TRPM3: variants seen among roughly 807,000 people sequenced by gnomAD.
The protein encoded by TRPM3 is long transient receptor potential channel 3.
A neutral mutation model predicts 181.2 loss-of-function variants in TRPM3; 77 were observed. That is an observed-to-expected ratio of 0.42 (90% CI 0.35 to 0.51). TRPM3 has a LOEUF of 0.51. Among genes scored for constraint, TRPM3 ranks in the 20% least tolerant of loss-of-function variants. The pLI is 0.01. For missense variants in TRPM3, 1,759 were observed against 2,196.7 expected, an observed-to-expected ratio of 0.80 and a Z score of 3.98; for synonymous variants, 745 against 796.4, an observed-to-expected ratio of 0.94 and a Z score of 1.09.
At chr9:71,335,591 AAAT>A (rs957746979) in intron 1 of TRPM3, among the ~76,000 whole-genome samples, 28 of 152,206 alleles carry the variant, frequency 1.8e-4, no homozygotes, top group African/African-American at 6.3e-4. Flanking sequence ...TTTTCATTTG[AAAT>A]AATATAAGAA....
At chr9:71,251,065 A>T (rs1249316278) in intron 1 of TRPM3, among the ~76,000 whole-genome samples, 4 of 152,142 alleles carry the variant, frequency 2.6e-5, no homozygotes, top group Non-Finnish European at 4.4e-5. Context: ...GATGGATGGG[A>T]AGATAAGTAT....
At chr9:71,228,149 T>G (rs2080813262) in intron 1 of TRPM3, among the ~76,000 whole-genome samples, 1 of 152,190 alleles carries the variant, frequency 6.6e-6, no homozygotes, top group South Asian at 2.1e-4. Flanking sequence ...CCAAGTTGGA[T>G]TTATCTTAGG....
At chr9:71,092,537 T>G (rs907996383) in intron 1 of TRPM3, among the ~76,000 whole-genome samples, 1 of 152,160 alleles carries the variant, frequency 6.6e-6, no homozygotes, top group Non-Finnish European at 1.5e-5. Flanking sequence ...TTCGAAATTT[T>G]GGGATCTGGT....
intron 12 of TRPM3, among the ~76,000 whole-genome samples, chr9:70,632,060 A>C (rs893158249): frequency 1.5e-4 from 23 of 152,212 alleles, no homozygotes; most frequent in African/African-American, 5.5e-4. Flanking sequence ...CAGGTTAAAT[A>C]TATATGCACA....
intron 1 of TRPM3, among the ~76,000 whole-genome samples, chr9:70,998,113 C>T (rs559046636): frequency 7.4e-5 from 11 of 148,176 alleles, no homozygotes; most frequent in Admixed American, 6.8e-4. Context: ...ATATAATGCT[C>T]TAATTGTTTA....
At chr9:70,557,108 C>T (rs2047901020) in intron 22 of TRPM3, among the ~76,000 whole-genome samples, 1 of 152,172 alleles carries the variant, frequency 6.6e-6, no homozygotes, top group African/African-American at 2.4e-5. Flanking sequence ...AGAGATGCTT[C>T]CTGTTCTTAA....
rs563679889 is a variant in TRPM3, at chr9:71,416,961, C to A, written c.183+29692G>T. ...TTCTGTGTCTGGTTTCTTTACTCAG[C>A]ATATTTTTAAGATTTAACCATGTAG... On this transcript the variant is annotated intron_variant, in intron 1 of 24. Transcript: ENST00000357533. Among the ~76,000 whole-genome samples the A allele has an allele frequency of 2.2e-3, 337 of 152,070 alleles. 2 individuals are homozygous for A. Among genetic ancestry groups the A allele is most frequent in the African/African-American group, 7.7e-3 (321 of 41,512 alleles).
rs140986707 is a variant in TRPM3 at position 70,663,586 on chromosome 9, T to A, written c.1345+17920A>T. Among the ~76,000 whole-genome samples the A allele has an allele frequency of 3.8e-3, 578 of 152,332 alleles. 1 individual carries two copies. The highest frequency in any genetic ancestry group is 0.013 in the African/African-American group (547 of 41,576). On this transcript the variant is annotated intron_variant, in intron 9 of 25. Coordinates refer to ENST00000677713, the MANE Select transcript of TRPM3 (RefSeq NM_001366145.2). ...CTCTTTCATTTGAGCCTTTTTCATA[T>A]TTTATTTGTAATTTATATTATGGTC... is the stretch of plus-strand genomic sequence containing the variant.
At position 71,267,684 on chromosome 9, in the gene TRPM3, G is replaced by A. The variant is rs1588203350; in HGVS notation, c.183+178969C>T. Among the ~76,000 whole-genome samples the A allele has an allele frequency of 2.0e-5, 3 of 152,274 alleles. No homozygotes were observed. In the East Asian group the frequency reaches 5.8e-4, roughly 29 times the overall value. ...ATTATACAACTTACTCTTTTTGTGT[G>A]ATTATTAATTATACTTTTATTTTTT... On this transcript the variant is annotated intron_variant, in intron 1 of 24. Transcript: ENST00000357533.
chr9:70,995,561 A>C (rs1280933081), intron 1 of TRPM3, among the ~76,000 whole-genome samples: 3 of 152,012 alleles, frequency 2.0e-5, no homozygotes, highest in African/African-American at 7.3e-5. Context: ...GTATCTGGTG[A>C]GACTTTTTGA....
At chr9:70,833,844 T>C (rs2039641) in intron 5 of TRPM3, among the ~76,000 whole-genome samples, 80,242 of 151,768 alleles carry the variant, frequency 0.53, 21,851 homozygotes, top group Non-Finnish European at 0.56. Context: ...GGCATTGTGC[T>C]TTGGAGAGAG....
At chr9:71,382,980 T>G (rs1053965537) in intron 1 of TRPM3, among the ~76,000 whole-genome samples, 1 of 152,158 alleles carries the variant, frequency 6.6e-6, no homozygotes, top group African/African-American at 2.4e-5. Context: ...TTACTCTGTA[T>G]AAGCCCAAAA....
intron 7 of TRPM3, among the ~76,000 whole-genome samples, chr9:70,780,882 C>A (rs2082297351): frequency 6.6e-6 from 1 of 152,088 alleles, no homozygotes; most frequent in East Asian, 1.9e-4. Context: ...ATACTTAATT[C>A]TTTACCTCTG....
intron 1 of TRPM3, among the ~76,000 whole-genome samples, chr9:71,232,834 T>C (rs1044314075): frequency 6.6e-6 from 1 of 152,172 alleles, no homozygotes; most frequent in African/African-American, 2.4e-5. Context: ...TCTCCCTTAC[T>C]GGTTCACACT....
intron 1 of TRPM3, among the ~76,000 whole-genome samples, chr9:71,334,213 C>T (rs1254184317): frequency 1.3e-5 from 2 of 151,586 alleles, no homozygotes; most frequent in African/African-American, 4.8e-5. Flanking sequence ...AGTAATTCAC[C>T]AGAAAGAGAC....
At chr9:71,096,232 T>G (rs561286416) in intron 1 of TRPM3, among the ~76,000 whole-genome samples, 69 of 150,128 alleles carry the variant, frequency 4.6e-4, no homozygotes, top group Admixed American at 2.3e-3. Context: ...CCACCCAGAA[T>G]TGAAACAGCA....
intron 22 of TRPM3, among the ~76,000 whole-genome samples, chr9:70,560,741 C>A (rs952580875): frequency 2.6e-5 from 4 of 152,190 alleles, no homozygotes; most frequent in Admixed American, 1.3e-4. Flanking sequence ...TTGTCCCTAT[C>A]AACATGAATA....
chr9:71,247,838 G>T (rs936904855), intron 1 of TRPM3, among the ~76,000 whole-genome samples: 2 of 151,970 alleles, frequency 1.3e-5, no homozygotes, highest in Non-Finnish European at 2.9e-5. Context: ...CATGAAATAG[G>T]GTTTAAAACA....
chr9:71,037,997 G>A (rs756644435), intron 1 of TRPM3, among the ~76,000 whole-genome samples: 2 of 152,222 alleles, frequency 1.3e-5, no homozygotes, highest in Non-Finnish European at 2.9e-5. Flanking sequence ...TCAAAACACA[G>A]TAGTGCTTAC....
Sources: gnomAD v4.1 joint callset for allele counts (sites outside exome capture counted in the v4.1 genomes callset) on GRCh38, gnomAD v4.1.1 for gene constraint, MANE v1.5 for transcripts, NCBI Gene and HGNC (gene_info 2026-07-23, HGNC 2026-07-21) for gene names.